SEMA3D: variants seen among roughly 807,000 people sequenced by gnomAD.
The protein encoded by SEMA3D is semaphorin-3D.
Under a neutral mutation model 100.1 loss-of-function variants are expected in SEMA3D, and 84 were observed. The observed-to-expected ratio is 0.84, with a 90% CI of 0.70 to 1.01. The LOEUF (loss-of-function observed/expected upper bound fraction) is 1.01. SEMA3D is among the 50% of genes least tolerant of loss of function. The pLI, the probability that SEMA3D is intolerant of heterozygous loss-of-function variation, is 0.00. For missense variants in SEMA3D, 875 were observed against 934.1 expected (o/e 0.94, Z 0.82); for synonymous variants, 312 against 320.7 (o/e 0.97, Z 0.29).
At chr7:85,246,350 C>G in the SEMA3D span, among the ~76,000 whole-genome samples, 4 of 152,022 alleles carry the variant, frequency 2.6e-5, no homozygotes. Flanking sequence ...ATACAAAAAG[C>G]TATAGAAAAC....
At chr7:85,164,396 T>C (rs748501907) in intron 1 of SEMA3D, among the ~76,000 whole-genome samples, 7 of 152,120 alleles carry the variant, frequency 4.6e-5, no homozygotes, top group Non-Finnish European at 1.0e-4. Flanking sequence ...GATAACAAAA[T>C]TTCTTAAAAT....
the SEMA3D span, among the ~76,000 whole-genome samples, chr7:85,206,170 T>A: frequency 6.6e-6 from 1 of 152,150 alleles, no homozygotes; most frequent in Admixed American, 6.6e-5. Flanking sequence ...CTAACTTATG[T>A]AATAAACTTT....
In SEMA3D at chr7:84,999,653, A is replaced by T. The variant is rs1181654676; in HGVS notation, c.2121T>A (p.Ala707=). Residue 707 remains alanine (A), a synonymous_variant, in exon 19 of 19, where the codon GCT becomes GCA. Transcript: ENST00000284136. ...AGTCTTTGTATCTCAACCGTGACTC[A>T]GCCAATAGATCCTTGACCTTCCCCT... ...HEEGKVKDLL[A]ESRLRYKDYI... The T allele has an allele frequency of 1.2e-6, 2 of 1,614,060 alleles. No individual in the cohort carries two copies. Among genetic ancestry groups the T allele is most frequent in the South Asian group, 2.2e-5 (2 of 91,086 alleles).
At chr7:85,030,935 G>A (rs1357280420) in intron 12 of SEMA3D, among the ~76,000 whole-genome samples, 1 of 146,854 alleles carries the variant, frequency 6.8e-6, no homozygotes, top group African/African-American at 2.4e-5. Flanking sequence ...ACCTGGCAGG[G>A]CAATAATGAT....
intron 3 of SEMA3D, among the ~76,000 whole-genome samples, chr7:85,119,158 CTGTT>C (rs781370230): frequency 2.0e-5 from 3 of 152,168 alleles, no homozygotes; most frequent in Non-Finnish European, 2.9e-5. Flanking sequence ...TGCTTATACA[CTGTT>C]TGTGGGAGTG....
At chr7:85,232,596 C>T in the SEMA3D span, among the ~76,000 whole-genome samples, 1 of 152,118 alleles carries the variant, frequency 6.6e-6, no homozygotes, top group Non-Finnish European at 1.5e-5. Flanking sequence ...AATAGCACCC[C>T]TAAACGAGAA....
At chr7:85,182,446 T>C (rs1415625204) in intron 1 of SEMA3D, among the ~76,000 whole-genome samples, 1 of 152,154 alleles carries the variant, frequency 6.6e-6, no homozygotes. Context: ...ACTTAAACAA[T>C]TGGTTATACT....
At chr7:85,080,549 A>G (rs1788026343) in intron 5 of SEMA3D, among the ~76,000 whole-genome samples, 1 of 152,152 alleles carries the variant, frequency 6.6e-6, no homozygotes. Context: ...GATGGTGCAA[A>G]AGAAGCCTCA....
At chr7:85,026,754 G>A (rs909071173) in intron 12 of SEMA3D, among the ~76,000 whole-genome samples, 1 of 152,002 alleles carries the variant, frequency 6.6e-6, no homozygotes, top group Non-Finnish European at 1.5e-5. Context: ...ATGAGGTTAA[G>A]AAATACATAT....
chr7:85,059,401 T>C (rs1295572617), intron 8 of SEMA3D, among the ~76,000 whole-genome samples: 2 of 152,152 alleles, frequency 1.3e-5, no homozygotes, highest in African/African-American at 4.8e-5. Context: ...TAGGAAATGA[T>C]TGGATTTCCT....
At chr7:85,167,645 C>G (rs1269274422) in intron 1 of SEMA3D, among the ~76,000 whole-genome samples, 2 of 151,256 alleles carry the variant, frequency 1.3e-5, no homozygotes, top group Non-Finnish European at 3.0e-5. Flanking sequence ...TTGTCAAATC[C>G]CCAGTTTAAA....
the SEMA3D span, among the ~76,000 whole-genome samples, chr7:85,241,123 C>G: frequency 7.9e-5 from 12 of 151,940 alleles, no homozygotes; most frequent in Non-Finnish European, 1.6e-4. Context: ...GAAATACCAC[C>G]TTACTCCTGC....
At chr7:85,231,949 T>C in the SEMA3D span, among the ~76,000 whole-genome samples, 2 of 152,120 alleles carry the variant, frequency 1.3e-5, no homozygotes, top group African/African-American at 4.8e-5. Context: ...TCAAAAAGAA[T>C]GTTAGAGGAA....
At chr7:85,241,918 A>G in the SEMA3D span, among the ~76,000 whole-genome samples, 1 of 152,208 alleles carries the variant, frequency 6.6e-6, no homozygotes, top group African/African-American at 2.4e-5. Context: ...GCAATAACAA[A>G]TGCCTGCCAG....
Position 85,121,863 on chromosome 7 carries a change from T to C in SEMA3D, c.29A>G (p.Lys10Arg). The change falls in exon 3 of 19, where the codon AAA (lysine) becomes AGA (arginine). Residue 10 changes from lysine to arginine, a missense_variant. Transcript: ENST00000284136. MNANKDERL[K>R]ARSQDFHLFP... is the part of the protein sequence containing the mutation. Reference sequence around the variant, plus strand: ...AAGGTGAAAATCTTGGCTTCTGGCTTTAAGTCTTTCATCTTTATTAGCATT... The same window carrying C: ...AAGGTGAAAATCTTGGCTTCTGGCTCTAAGTCTTTCATCTTTATTAGCATT... 2 of 1,595,320 alleles carry C rather than the reference T, an allele frequency of 1.3e-6. No individual in the cohort carries two copies. Among genetic ancestry groups the C allele is most frequent in the Non-Finnish European group, 1.7e-6 (2 of 1,165,606 alleles).
rs145965036 is a variant in SEMA3D, at chr7:85,098,107, GAGAA to G, written c.152-146_152-143del. 5.9e-3 allele frequency: 3,319 copies of G among 559,788 alleles called. 77 individuals are homozygous for G. The highest frequency in any genetic ancestry group is 0.054 in the African/African-American group (2,769 of 51,598). The allele number at this position is 559,788 out of a possible 1,614,324, so 34.7% of individuals were successfully genotyped here. A position where few individuals can be genotyped will look rare whatever the true frequency, so the allele number is the denominator to read the frequency against. On this transcript the variant is annotated intron_variant, in intron 3 of 18. Transcript: ENST00000284136. The stretch of plus-strand genomic sequence containing the variant: ...AAGAAAGAAAAAAGAAAGAAAGAAA[GAGAA>G]AGAAAGAAAGAATTAGTAATAGGCA...
chr7:85,039,764 A>C (rs1252321861), intron 11 of SEMA3D, among the ~76,000 whole-genome samples: 4 of 152,256 alleles, frequency 2.6e-5, no homozygotes, highest in Admixed American at 2.6e-4. Context: ...TGAAATAGTC[A>C]TAACAGCCAC....
the SEMA3D span, among the ~76,000 whole-genome samples, chr7:85,235,758 G>A: frequency 6.6e-6 from 1 of 152,136 alleles, no homozygotes; most frequent in Non-Finnish European, 1.5e-5. Flanking sequence ...TGGTGACTAT[G>A]TAGGTACAAT....
rs376057526 is a variant in SEMA3D at position 85,087,364 on chromosome 7, T to C, written c.313-5785A>G. ...TATAATTTTGGTGGGTTGTGGTCTT[T>C]GGGACCTTAGAGCCTTGATATCAAG... is the stretch of plus-strand genomic sequence containing the variant. On this transcript the variant is annotated intron_variant, in intron 4 of 18. Coordinates refer to ENST00000284136, the MANE Select transcript of SEMA3D (RefSeq NM_001384900.1). 3.3e-5 allele frequency among the ~76,000 whole-genome samples: 5 copies of C among 152,222 alleles called. No homozygotes were observed. In the East Asian group the frequency reaches 5.8e-4, roughly 18 times the overall value.
Sources: gnomAD v4.1 joint callset for allele counts (sites outside exome capture counted in the v4.1 genomes callset) on GRCh38, gnomAD v4.1.1 for gene constraint, MANE v1.5 for transcripts, NCBI Gene and HGNC (gene_info 2026-07-23, HGNC 2026-07-21) for gene names.